The following TTC12 variants were observed in gnomAD, a reference collection of about 807,000 sequenced individuals.
The protein encoded by TTC12 is tetratricopeptide repeat protein 12.
Under a neutral mutation model 90.1 loss-of-function variants are expected in TTC12, and 70 were observed. The observed-to-expected ratio is 0.78, with a 90% CI of 0.64 to 0.95. TTC12 has a LOEUF of 0.95. TTC12 is among the 40% of genes least tolerant of loss of function. The pLI is 0.00. For missense variants in TTC12, 819 were observed against 846.1 expected (o/e 0.97, Z 0.40); for synonymous variants, 296 against 311.5 (o/e 0.95, Z 0.53).
chr11:113,325,534 A>G lies in TTC12; in HGVS notation c.333A>G (p.Glu111=). ...ENKVLADALK[E]KGNEAFAEGN... ...CTTATATTCCCATAGCCCTAAAAGA[A>G]AAAGGGAATGAAGCATTTGCTGAAG... is the stretch of plus-strand genomic sequence containing the variant. Residue 111 remains glutamate, a synonymous_variant, in exon 6 of 22, where the codon GAA becomes GAG. Coordinates refer to ENST00000529221, the MANE Select transcript of TTC12 (RefSeq NM_017868.4). 6.2e-7 allele frequency: 1 copy of G among 1,613,836 alleles called. No homozygotes were observed.
At chr11:113,329,511 G>A (rs1393739166) in intron 6 of TTC12, 7 of 444,286 alleles carry the variant, frequency 1.6e-5, no homozygotes, top group Non-Finnish European at 3.2e-5. Flanking sequence ...GAGGAAAAGT[G>A]AGATTGGGGT....
At position 113,357,549 on chromosome 11, in the gene TTC12, C is replaced by A. The variant is rs373083092; in HGVS notation, c.1447-1814C>A. The stretch of plus-strand genomic sequence containing the variant: ...GTTTATCATGTGGATTCTTTCTTAT[C>A]TTTGTTGATTTCTCTACTGTCAATC... On this transcript the variant is annotated intron_variant, in intron 16 of 21. Coordinates refer to ENST00000529221, the MANE Select transcript of TTC12 (RefSeq NM_017868.4). Among the ~76,000 whole-genome samples the A allele has an allele frequency of 3.9e-5, 6 of 152,144 alleles. No individual in the cohort carries two copies. The East Asian group carries it at 7.7e-4, about 20-fold the overall frequency.
chr11:113,315,231 C>G (rs1360040439), intron 1 of TTC12: 2 of 112,010 alleles, frequency 1.8e-5, no homozygotes, highest in East Asian at 4.5e-4. Context: ...GGACTCGTCG[C>G]GTGCCTGGTG....
chr11:113,365,252 C>T (rs1048266066), intron 21 of TTC12, among the ~76,000 whole-genome samples, 192 bp downstream of exon 21: 4 of 152,274 alleles, frequency 2.6e-5, no homozygotes, highest in South Asian at 2.1e-4. Flanking sequence ...GGGGAGCTCT[C>T]GGTCTCCAAC....
intron 13 of TTC12, among the ~76,000 whole-genome samples, chr11:113,347,751 A>G (rs1949052851): frequency 6.6e-6 from 1 of 152,156 alleles, no homozygotes; most frequent in South Asian, 2.1e-4. Flanking sequence ...CACTCCTAGA[A>G]TAAGTGGCTA....
chr11:113,323,114 A>AC (rs1212825574), intron 2 of TTC12, among the ~76,000 whole-genome samples, 174 bp from the exon 3 acceptor site: 14 of 151,428 alleles, frequency 9.2e-5, no homozygotes, highest in Non-Finnish European at 1.5e-4. Context: ...AAAAAAAAAA[A>AC]AAAAAAACCT....
At chr11:113,341,767 A>C in intron 11 of TTC12, 70 bp from the exon 12 acceptor site, 1 of 1,284,144 alleles carries the variant, frequency 7.8e-7, no homozygotes, top group Non-Finnish European at 1.1e-6. Flanking sequence ...GGGTGAAATA[A>C]AACCAAATGG....
intron 2 of TTC12, among the ~76,000 whole-genome samples, chr11:113,319,860 T>C (rs1366708776): frequency 6.6e-6 from 1 of 152,120 alleles, no homozygotes; most frequent in East Asian, 1.9e-4. Flanking sequence ...CAGGGACTTC[T>C]CAACAAATAA....
Position 113,344,401 on chromosome 11 carries a change from G to GCGGA in TTC12, c.1120_1123dup (p.Ser375ThrfsTer9). ...CTGCTGCATCTCGCCCAGACTGAGA[G>GCGGA]CGGACGGAGCCTGATCATCAACCAC... On this transcript the variant is annotated frameshift_variant, in exon 13 of 22. Coordinates refer to ENST00000529221, the MANE Select transcript of TTC12 (RefSeq NM_017868.4). LOFTEE classifies it high-confidence loss of function. 1 of 1,614,146 alleles carries GCGGA rather than the reference G, an allele frequency of 6.2e-7. No homozygotes were observed. The highest frequency in any genetic ancestry group is 1.1e-5 in the South Asian group (1 of 91,078).
chr11:113,327,271 T>TG (rs1947751347), intron 6 of TTC12, among the ~76,000 whole-genome samples: 1 of 152,052 alleles, frequency 6.6e-6, no homozygotes, highest in East Asian at 1.9e-4. Flanking sequence ...TTTGAGGGAG[T>TG]GATTCCTCTC....
At chr11:113,348,157 A>G (rs1949076782) in intron 13 of TTC12, among the ~76,000 whole-genome samples, 1 of 152,154 alleles carries the variant, frequency 6.6e-6, no homozygotes. Flanking sequence ...GGACATCTCT[A>G]TCACAACATC....
rs782252287 is a variant in TTC12 at position 113,340,708 on chromosome 11, A to G, written c.871A>G (p.Ile291Val). The change falls in exon 11 of 22, where the codon ATC becomes GTC. Residue 291 changes from isoleucine to valine, a missense_variant. Transcript: ENST00000529221. ...CAGAATGCACAATGGATTTAGTATC[A>G]TCAGTGACAACGAGGTCATAAGAAG... ...LFRMHNGFSI[I>V]SDNEVIRRCF... 2.3e-5 allele frequency: 37 copies of G among 1,614,030 alleles called. 1 individual carries two copies. The Admixed American group carries it at 6.0e-4, about 26-fold the overall frequency.
downstream of TTC12, among the ~76,000 whole-genome samples, chr11:113,371,118 C>G (rs1445879611): frequency 1.3e-5 from 2 of 152,140 alleles, no homozygotes; most frequent in Non-Finnish European, 2.9e-5. Flanking sequence ...AGAAAAGGCT[C>G]CTAGAATGTC....
chr11:113,357,228 C>T (rs1393788979), intron 16 of TTC12, among the ~76,000 whole-genome samples: 1 of 152,148 alleles, frequency 6.6e-6, no homozygotes, highest in Non-Finnish European at 1.5e-5. Flanking sequence ...GGTATTAACA[C>T]TTGTGATTAC....
intron 18 of TTC12, among the ~76,000 whole-genome samples, chr11:113,361,027 C>T (rs1479322662): frequency 2.6e-5 from 4 of 152,180 alleles, no homozygotes; most frequent in Admixed American, 6.5e-5. Flanking sequence ...TTTAGGAGAG[C>T]TCTTGGGCCA....
intron 16 of TTC12, among the ~76,000 whole-genome samples, chr11:113,354,194 C>G (rs6589373): frequency 0.25 from 38,012 of 151,188 alleles, 5,920 homozygotes; most frequent in East Asian, 0.49. Context: ...CTGGTTAGCT[C>G]TATTCCTAAG....
chr11:113,357,591 T>G (rs1949696614), intron 16 of TTC12, among the ~76,000 whole-genome samples: 1 of 152,214 alleles, frequency 6.6e-6, no homozygotes, highest in South Asian at 2.1e-4. Flanking sequence ...ATTGCTGACC[T>G]TTGGATAAAT....
intron 8 of TTC12, among the ~76,000 whole-genome samples, chr11:113,335,490 A>G (rs797035522): frequency 1.8e-4 from 28 of 152,292 alleles, no homozygotes; most frequent in African/African-American, 6.5e-4. Flanking sequence ...AGTTTTTAGT[A>G]TATTCACAGA....
chr11:113,328,495 G>A (rs1947829695), intron 6 of TTC12, among the ~76,000 whole-genome samples: 1 of 152,072 alleles, frequency 6.6e-6, no homozygotes, highest in South Asian at 2.1e-4. Context: ...AGTGCCCCAG[G>A]CATTTGATAC....
Sources: gnomAD v4.1 joint callset for allele counts (sites outside exome capture counted in the v4.1 genomes callset) on GRCh38, gnomAD v4.1.1 for gene constraint, MANE v1.5 for transcripts, NCBI Gene and HGNC (gene_info 2026-07-23, HGNC 2026-07-21) for gene names.